Variants in TRIO observed in about 807,000 individuals in gnomAD.
TRIO encodes the protein triple functional domain protein.
A neutral mutation model predicts 351.9 loss-of-function variants in TRIO; 58 were observed. That is an observed-to-expected ratio of 0.16 (90% CI 0.13 to 0.21). TRIO has a LOEUF of 0.21. TRIO is among the 10% of genes least tolerant of loss of function. The pLI is 1.00. For synonymous variants in TRIO, 1,758 were observed against 1,595.7 expected, an observed-to-expected ratio of 1.10 and a Z score of -2.42; for missense variants, 3,201 against 4,027.8, an observed-to-expected ratio of 0.79 and a Z score of 5.56.
At chr5:14,318,013 G>A (rs941676079) in intron 9 of TRIO, among the ~76,000 whole-genome samples, 1 of 152,104 alleles carries the variant, frequency 6.6e-6, no homozygotes, top group African/African-American at 2.4e-5. Flanking sequence ...TGTAATCCCA[G>A]CTATTTGGAA....
Position 14,323,339 on chromosome 5 carries a change from G to GT in TRIO, c.1731+6602dup, listed in dbSNP as rs377134769. ...GCAGAAGCACCGAGAACCTCTTGGTGTTTTTTCTGTGTCACCGCTCTGGGT... is the reference window on the plus strand; with the variant it reads ...GCAGAAGCACCGAGAACCTCTTGGTGTTTTTTTCTGTGTCACCGCTCTGGGT... On this transcript the variant is annotated intron_variant, in intron 9 of 56. Coordinates refer to ENST00000344204, the MANE Select transcript of TRIO (RefSeq NM_007118.4). Among the ~76,000 whole-genome samples, 739 of 152,252 alleles carry GT rather than the reference G, an allele frequency of 4.9e-3. 6 individuals carry two copies. The highest frequency in any genetic ancestry group is 0.016 in the African/African-American group (656 of 41,540).
intron 48 of TRIO, among the ~76,000 whole-genome samples, chr5:14,491,375 G>A (rs1756470499): frequency 6.6e-6 from 1 of 152,238 alleles, no homozygotes; most frequent in African/African-American, 2.4e-5. Context: ...CACCTTTGGA[G>A]CCTTGGGAAC....
At chr5:14,453,270 G>A (rs946720043) in intron 34 of TRIO, among the ~76,000 whole-genome samples, 1 of 152,102 alleles carries the variant, frequency 6.6e-6, no homozygotes. Flanking sequence ...AAGTGACTGC[G>A]ATGTGCTGAT....
chr5:14,144,087 G>GGC (rs1431680904), intron 1 of TRIO, among the ~76,000 whole-genome samples: 1 of 152,086 alleles, frequency 6.6e-6, no homozygotes, highest in Non-Finnish European at 1.5e-5. Context: ...CGCGCAGCCG[G>GGC]GCGCGCGGCA....
chr5:14,235,835 T>A lies in TRIO; in HGVS notation c.158-34990T>A, dbSNP rs185579316. ...CATTTTAATTTTTAATTAAAAAAAA[T>A]TTTTTTTATTAGAGTTGGGGTCTCA... On this transcript the variant is annotated intron_variant, in intron 1 of 56. Transcript: ENST00000344204. 5.7e-4 allele frequency among the ~76,000 whole-genome samples: 87 copies of A among 151,942 alleles called. No individual in the cohort carries two copies. In the East Asian group the frequency reaches 8.1e-3, roughly 14 times the overall value.
At chr5:14,161,154 C>T (rs1788427801) in intron 1 of TRIO, among the ~76,000 whole-genome samples, 1 of 152,168 alleles carries the variant, frequency 6.6e-6, no homozygotes, top group Non-Finnish European at 1.5e-5. Context: ...AGTGATACAC[C>T]TTGGCCTCCC....
intron 31 of TRIO, among the ~76,000 whole-genome samples, chr5:14,405,449 A>G (rs533969744): frequency 6.6e-6 from 1 of 152,024 alleles, no homozygotes; most frequent in African/African-American, 2.4e-5. Context: ...GGCTGTGGGG[A>G]TTTGTTCAGT....
chr5:14,215,794 A>G (rs1373595066), intron 1 of TRIO, among the ~76,000 whole-genome samples: 3 of 152,242 alleles, frequency 2.0e-5, no homozygotes, highest in East Asian at 1.9e-4. Flanking sequence ...TCGAGAAACC[A>G]TAAAACTAGT....
chr5:14,460,900 G>T, intron 34 of TRIO, 119 bp from the exon 35 acceptor site: 1 of 1,233,914 alleles, frequency 8.1e-7, no homozygotes, highest in Non-Finnish European at 1.1e-6. Flanking sequence ...CGTAGGCAAA[G>T]CCCGCTGACG....
chr5:14,506,050 C>T (rs935877088), intron 55 of TRIO, among the ~76,000 whole-genome samples: 8 of 152,142 alleles, frequency 5.3e-5, no homozygotes, highest in Non-Finnish European at 1.5e-5. Context: ...AGAGCCGAGC[C>T]GACATCCAAG....
At chr5:14,405,712 T>C (rs1399649908) in intron 31 of TRIO, 136 bp from the exon 32 acceptor site, 1 of 1,011,416 alleles carries the variant, frequency 9.9e-7, no homozygotes, top group Non-Finnish European at 1.4e-6. Context: ...ATATTAAACG[T>C]CGGATGTGGT....
In TRIO at chr5:14,345,992, A is replaced by T. The variant is rs143856831; in HGVS notation, c.2046+9265A>T. Among the ~76,000 whole-genome samples the T allele has an allele frequency of 4.2e-3, 645 of 152,314 alleles. 4 individuals carry two copies. The highest frequency in any genetic ancestry group is 0.015 in the African/African-American group (608 of 41,574). On this transcript the variant is annotated intron_variant, in intron 11 of 56. Transcript: ENST00000344204. ...TAAACTTACCTGTATGTATTTTCGT[A>T]TGTATTTCTGACACATTTGTACTGA...
intron 1 of TRIO, among the ~76,000 whole-genome samples, chr5:14,196,408 G>A (rs1013012782): frequency 9.3e-5 from 11 of 117,702 alleles, no homozygotes; most frequent in African/African-American, 3.6e-4. Flanking sequence ...GGGCAACAGA[G>A]CCAGACTCCG....
chr5:14,498,094 C>G lies in TRIO; in HGVS notation c.8053C>G (p.Pro2685Ala), dbSNP rs769759491. Residue 2685 changes from proline to alanine, a missense_variant, in exon 52 of 57, where the codon CCA becomes GCA. Physicochemically the swap from Pro to Ala is conservative, Grantham distance 27 (BLOSUM62 -1). Transcript: ENST00000344204. ...CCGACTCCTTTCCCATGCAGTTCCC[C>G]CAGAATTCGTCATTCCATTGAGTGA... ...LNPNYIYDVP[P>A]EFVIPLSEVT... is the part of the protein sequence containing the mutation. The G allele has an allele frequency of 1.9e-6, 3 of 1,614,126 alleles. No individual in the cohort carries two copies. The Admixed American group carries it at 5.0e-5, about 27-fold the overall frequency.
At chr5:14,285,673 GT>G (rs886163947) in intron 3 of TRIO, among the ~76,000 whole-genome samples, 6 of 152,176 alleles carry the variant, frequency 3.9e-5, no homozygotes, top group African/African-American at 1.4e-4. Context: ...ATTTAGACTA[GT>G]TTTTTGGGGG....
rs773938604 is a variant in TRIO, at chr5:14,420,070, T to TG, written c.5203+51dup. The TG allele has an allele frequency of 8.2e-6, 13 of 1,587,604 alleles. No individual in the cohort carries two copies. The Admixed American group carries it at 1.9e-4, about 23-fold the overall frequency. On this transcript the variant is annotated intron_variant, in intron 34 of 56. Coordinates refer to ENST00000344204, the MANE Select transcript of TRIO (RefSeq NM_007118.4). ...GGCAGACCCCTACTGGAAGTGGCCCTGGAGCGCTCTGTCTCCGCGCCTCTC... is the reference window on the plus strand; with the variant it reads ...GGCAGACCCCTACTGGAAGTGGCCCTGGGAGCGCTCTGTCTCCGCGCCTCTC...
chr5:14,492,862 G>T (rs753455187), intron 49 of TRIO, 48 bp downstream of exon 49: 2 of 1,600,308 alleles, frequency 1.2e-6, no homozygotes, highest in Non-Finnish European at 1.7e-6. Context: ...AGAGGGAGGG[G>T]GCACAGCACC....
intron 8 of TRIO, among the ~76,000 whole-genome samples, chr5:14,306,963 A>C (rs1738428460): frequency 1.3e-5 from 2 of 152,222 alleles, no homozygotes; most frequent in Admixed American, 6.5e-5. Context: ...CTGAGGTCTT[A>C]GATGGAATTT....
intron 7 of TRIO, among the ~76,000 whole-genome samples, chr5:14,302,856 G>C (rs1738020705): frequency 6.6e-6 from 1 of 152,260 alleles, no homozygotes; most frequent in African/African-American, 2.4e-5. Flanking sequence ...GTTGATGTCT[G>C]TTTGGCTTAA....
Sources: allele counts gnomAD v4.1 joint callset (sites outside exome capture counted in the v4.1 genomes callset), GRCh38; gene constraint gnomAD v4.1.1; transcripts MANE v1.5; gene names NCBI Gene and HGNC (gene_info 2026-07-23, HGNC 2026-07-21).